Variants in MYO1E observed in about 807,000 individuals in gnomAD.
MYO1E encodes myosin IE.
Under a neutral mutation model 151.1 loss-of-function variants are expected in MYO1E, and 68 were observed. The observed-to-expected ratio is 0.45, with a 90% CI of 0.37 to 0.55. MYO1E has a LOEUF of 0.55. Among genes scored for constraint, MYO1E ranks in the 20% least tolerant of loss-of-function variants. MYO1E has a pLI of 0.00. For synonymous variants in MYO1E, 601 were observed against 501.7 expected (o/e 1.20, Z -2.64); for missense variants, 1,363 against 1,389.3 (o/e 0.98, Z 0.30).
intron 6 of MYO1E, among the ~76,000 whole-genome samples, chr15:59,231,241 G>A (rs1371553975): frequency 6.6e-6 from 1 of 152,188 alleles, no homozygotes; most frequent in South Asian, 2.1e-4. Context: ...GGATGGAGAG[G>A]AGGAAGTTTC....
Position 59,231,850 on chromosome 15 carries a change from G to A in MYO1E, c.421-59C>T, listed in dbSNP as rs1422806835. 90 of 1,574,108 alleles carry A rather than the reference G, an allele frequency of 5.7e-5. 2 individuals are homozygous for A. Among genetic ancestry groups the A allele is most frequent in the East Asian group, 9.0e-5 (4 of 44,596 alleles). On this transcript the variant is annotated intron_variant, in intron 5 of 27. Transcript: ENST00000288235. ...TGTGAACACCTACCACACAGTGTACGCCAAACTTTCTCTAAGGACCTGGTT... is the reference window on the plus strand; with the variant it reads ...TGTGAACACCTACCACACAGTGTACACCAAACTTTCTCTAAGGACCTGGTT...
intron 1 of MYO1E, among the ~76,000 whole-genome samples, chr15:59,293,737 C>T (rs2080433162): frequency 6.6e-6 from 1 of 151,900 alleles, no homozygotes; most frequent in African/African-American, 2.4e-5. Context: ...AAAAACAAAA[C>T]AAAACAAAAA....
At chr15:59,327,185 C>A (rs1325699377) in intron 1 of MYO1E, among the ~76,000 whole-genome samples, 1 of 152,204 alleles carries the variant, frequency 6.6e-6, no homozygotes, top group Non-Finnish European at 1.5e-5. Flanking sequence ...TAATCCTCCA[C>A]CTTGTGTGGA....
At chr15:59,258,082 C>T (rs1270007086) in intron 3 of MYO1E, among the ~76,000 whole-genome samples, 31 of 152,174 alleles carry the variant, frequency 2.0e-4, no homozygotes. Flanking sequence ...GGCCCTGGCT[C>T]AGGCCTGTAA....
chr15:59,319,318 G>A (rs1389161879), intron 1 of MYO1E, among the ~76,000 whole-genome samples: 3 of 151,458 alleles, frequency 2.0e-5, no homozygotes, highest in Non-Finnish European at 2.9e-5. Flanking sequence ...CTGAAAAAAC[G>A]AAAAAAAGAA....
At chr15:59,342,526 T>C (rs117456356) in intron 1 of MYO1E, among the ~76,000 whole-genome samples, 2,767 of 152,342 alleles carry the variant, frequency 0.018, 34 homozygotes, top group Non-Finnish European at 0.027. Flanking sequence ...AGTGTGTTGC[T>C]TGTAGGCAAC....
chr15:59,253,901 C>CTT (rs34819314), intron 4 of MYO1E, among the ~76,000 whole-genome samples: 2,119 of 135,820 alleles, frequency 0.016, 52 homozygotes, highest in Middle Eastern at 0.031. Flanking sequence ...GACAAACAAC[C>CTT]TTTTTTTTTT....
Position 59,241,921 on chromosome 15 carries a change from A to AAAAATAAAATAAAAT in MYO1E, c.333-5264_333-5250dup, listed in dbSNP as rs374472292. Among the ~76,000 whole-genome samples, 1,213 of 150,828 alleles carry AAAAATAAAATAAAAT rather than the reference A, an allele frequency of 8.0e-3. 17 individuals are homozygous for AAAAATAAAATAAAAT. Among genetic ancestry groups the AAAAATAAAATAAAAT allele is most frequent in the African/African-American group, 0.029 (1,162 of 40,446 alleles). On this transcript the variant is annotated intron_variant, in intron 4 of 27. Transcript: ENST00000288235. ...GTAACAAAGTGAGATCCTGTCTCTA[A>AAAAATAAAATAAAAT]AAAATAAAATAAAATAAAATAAAAT... is the stretch of plus-strand genomic sequence containing the variant.
At position 59,208,714 on chromosome 15, in the gene MYO1E, G is replaced by A; in HGVS notation, c.1497C>T (p.Asn499=). Residue 499 remains asparagine, a synonymous_variant, in exon 14 of 28, where the codon AAC becomes AAT. Coordinates refer to ENST00000288235, the MANE Select transcript of MYO1E (RefSeq NM_004998.4). ...IGSHEHFNSW[N]QGFIIHHYAG... ...CATAATGATGAATGATGAAGCCTTGGTTCCAACTGTTGAAGTGCTCATGAC... is the reference window on the plus strand; with the variant it reads ...CATAATGATGAATGATGAAGCCTTGATTCCAACTGTTGAAGTGCTCATGAC... 6.2e-7 allele frequency: 1 copy of A among 1,614,232 alleles called. No homozygotes were observed. Among genetic ancestry groups the A allele is most frequent in the East Asian group, 2.2e-5 (1 of 44,892 alleles).
At chr15:59,277,670 G>A (rs2080329333) in intron 1 of MYO1E, among the ~76,000 whole-genome samples, 1 of 152,080 alleles carries the variant, frequency 6.6e-6, no homozygotes, top group African/African-American at 2.4e-5. Context: ...GTTGTTCACT[G>A]TAGCAAAGTT....
intron 1 of MYO1E, among the ~76,000 whole-genome samples, chr15:59,308,364 C>CATCTCT (rs1363350207): frequency 6.6e-6 from 1 of 150,502 alleles, no homozygotes; most frequent in Non-Finnish European, 1.5e-5. Context: ...GGTGAAACCT[C>CATCTCT]ATCTCTACTA....
At chr15:59,201,534 A>C (rs2079802240) in intron 16 of MYO1E, among the ~76,000 whole-genome samples, 1 of 151,354 alleles carries the variant, frequency 6.6e-6, no homozygotes, top group African/African-American at 2.4e-5. Context: ...CCTCCTGAGT[A>C]GCTGGGATTA....
At chr15:59,205,637 G>T in intron 14 of MYO1E, 152 bp from the exon 15 acceptor site, 1 of 753,570 alleles carries the variant, frequency 1.3e-6, no homozygotes, top group Non-Finnish European at 2.3e-6. Flanking sequence ...TCCAGATGTT[G>T]CATTTGGGAT....
chr15:59,198,432 T>C (rs577168448), intron 16 of MYO1E, among the ~76,000 whole-genome samples: 1 of 152,244 alleles, frequency 6.6e-6, no homozygotes, highest in South Asian at 2.1e-4. Context: ...ATCACTAGAT[T>C]TCTCTGGTCC....
rs1458008566 is a variant in MYO1E at position 59,157,266 on chromosome 15, C to A, written c.2878+1021G>T. Among the ~76,000 whole-genome samples the A allele has an allele frequency of 5.3e-5, 8 of 152,066 alleles. 1 individual carries two copies. Among genetic ancestry groups the A allele is most frequent in the Non-Finnish European group, 2.9e-5 (2 of 67,994 alleles). ...TGAAATATGAGCATAAATTTTATAA[C>A]AATTTTGTAATACTCTCAGATATTA... is the stretch of plus-strand genomic sequence containing the variant. On this transcript the variant is annotated intron_variant, in intron 25 of 27. Transcript: ENST00000288235.
At chr15:59,230,251 T>TGTGTGTGC (rs1265815582) in intron 6 of MYO1E, among the ~76,000 whole-genome samples, 113 of 151,776 alleles carry the variant, frequency 7.4e-4, no homozygotes, top group African/African-American at 2.5e-3. Flanking sequence ...TGTGTGTGTG[T>TGTGTGTGC]GTGCAGGTGA....
chr15:59,210,559 C>T lies in MYO1E; in HGVS notation c.1317G>A (p.Glu439=). 2 of 1,606,210 alleles carry T rather than the reference C, an allele frequency of 1.2e-6. No homozygotes were observed. Among genetic ancestry groups the T allele is most frequent in the Non-Finnish European group, 1.7e-6 (2 of 1,172,750 alleles). ...CACATACGATTTTATTATTAAAGTA[C>T]TCAATGGGTGTCCATCTTATTCCCT... ...VQEGIRWTPI[E]YFNNKIVCDL... is the part of the protein sequence containing the mutation. Residue 439 remains glutamate, a synonymous_variant, in exon 13 of 28, where the codon GAG becomes GAA. Transcript: ENST00000288235.
intron 17 of MYO1E, among the ~76,000 whole-genome samples, chr15:59,194,904 T>C (rs1276771915): frequency 6.6e-6 from 1 of 152,256 alleles, no homozygotes; most frequent in African/African-American, 2.4e-5. Flanking sequence ...TGCTGAATTC[T>C]TGTGCTCTGC....
At position 59,224,699 on chromosome 15, in the gene MYO1E, T is replaced by C; in HGVS notation, c.767A>G (p.Gln256Arg). The change falls in exon 8 of 28, where the codon CAG (glutamine) becomes CGG (arginine). Residue 256 changes from glutamine to arginine, a missense_variant. By Grantham distance (43) the Gln-to-Arg change is conservative. Coordinates refer to ENST00000288235, the MANE Select transcript of MYO1E (RefSeq NM_004998.4). ...TGCGCCAGCACTTACCAGAGTTTCC[T>C]GAAACTCCCGCCTGTCGTCAATGTC... ...VDDIDDRREF[Q>R]ETLHAMNVIG... 2 of 1,614,220 alleles carry C rather than the reference T, an allele frequency of 1.2e-6. No individual in the cohort carries two copies. Among genetic ancestry groups the C allele is most frequent in the Non-Finnish European group, 1.7e-6 (2 of 1,180,032 alleles).
Sources: allele counts gnomAD v4.1 joint callset (sites outside exome capture counted in the v4.1 genomes callset), GRCh38; gene constraint gnomAD v4.1.1; transcripts MANE v1.5; gene names NCBI Gene and HGNC (gene_info 2026-07-23, HGNC 2026-07-21).